The following NPL variants were observed in gnomAD, a reference collection of about 807,000 sequenced individuals.
The protein encoded by NPL is N-acetylneuraminate lyase.
In NPL, 32 loss-of-function variants were observed where a neutral mutation model predicts 41.1. The ratio of observed to expected loss-of-function variants is 0.78; its 90% confidence interval spans 0.59 to 1.05. The LOEUF is 1.05. Ranked by LOEUF, NPL falls within the 50% of genes least tolerant of loss-of-function variation. The probability of loss-of-function intolerance (pLI) is 0.00; values close to 1 mark genes in which losing one functional copy is unlikely to be tolerated. For missense variants in NPL, 321 were observed against 378.4 expected, an observed-to-expected ratio of 0.85 and a Z score of 1.26; for synonymous variants, 128 against 134.9, an observed-to-expected ratio of 0.95 and a Z score of 0.35.
Position 182,812,212 on chromosome 1 carries a change from T to A in NPL, c.287T>A (p.Leu96Gln). The change falls in exon 6 of 13, where the codon CTG becomes CAG. Residue 96 changes from leucine (L) to glutamine (Q), a missense_variant and splice_region_variant. Transcript: ENST00000367553. ...CTGAGCTTGAAGGAGTCACAGGAAC[T>A]GGTATGTATGCAGTTCCATCTGGGA... ...GALSLKESQE[L>Q]AQHAAEIGAD... 8 of 1,613,258 alleles carry A rather than the reference T, an allele frequency of 5.0e-6. 1 individual carries two copies. The highest frequency in any genetic ancestry group is 6.8e-6 in the Non-Finnish European group (8 of 1,179,194).
chr1:182,821,412 A>G (rs1280563548), intron 10 of NPL, among the ~76,000 whole-genome samples: 1 of 152,210 alleles, frequency 6.6e-6, no homozygotes, highest in African/African-American at 2.4e-5. Context: ...ATATTTTGTC[A>G]GATCAAATTC....
intron 4 of NPL, among the ~76,000 whole-genome samples, chr1:182,804,617 G>T (rs1287623203): frequency 1.3e-5 from 2 of 152,164 alleles, no homozygotes; most frequent in Non-Finnish European, 2.9e-5. Context: ...ATACTTACCT[G>T]CGATTGAGCT....
At chr1:182,806,360 T>G in intron 5 of NPL, 128 bp downstream of exon 5, 1 of 1,552,914 alleles carries the variant, frequency 6.4e-7, no homozygotes, top group Non-Finnish European at 8.7e-7. Flanking sequence ...GGTGGGAAGA[T>G]GAGCAGGGCC....
At chr1:182,806,525 C>G in intron 5 of NPL, 1 of 1,536,220 alleles carries the variant, frequency 6.5e-7, no homozygotes, top group Non-Finnish European at 8.7e-7. Context: ...CGTCTTTGGG[C>G]TGAAAGGTAA....
chr1:182,817,796 T>A (rs188797068), intron 8 of NPL, among the ~76,000 whole-genome samples: 3 of 152,248 alleles, frequency 2.0e-5, no homozygotes, highest in Non-Finnish European at 4.4e-5. Context: ...GTAAGATATG[T>A]GAGAAGGGGC....
chr1:182,809,644 G>C (rs1011365832), intron 5 of NPL, among the ~76,000 whole-genome samples: 1 of 151,972 alleles, frequency 6.6e-6, no homozygotes, highest in African/African-American at 2.4e-5. Context: ...GTGTGTGAAA[G>C]CTTCTTCATC....
At chr1:182,797,051 AGC>A (rs1666692842) in intron 3 of NPL, among the ~76,000 whole-genome samples, 1 of 149,876 alleles carries the variant, frequency 6.7e-6, no homozygotes, top group African/African-American at 2.5e-5. Context: ...AAAAAAAAAA[AGC>A]TCTTTCATAT....
In NPL at chr1:182,829,169, T is replaced by A; in HGVS notation, c.*261T>A. The A allele has an allele frequency of 7.5e-7, 1 of 1,326,904 alleles. No homozygotes were observed. Among genetic ancestry groups the A allele is most frequent in the East Asian group, 3.2e-5 (1 of 31,198 alleles). The allele number at this position is 1,326,904 out of a possible 1,614,324, so 82.2% of individuals were successfully genotyped here. A position where few individuals can be genotyped will look rare whatever the true frequency, so the allele number is the denominator to read the frequency against. ...TTCTGTTTATATGGATGAAATGGAATCAAGAGGAAAATTGTAATTGATTAA... is the reference window on the plus strand; with the variant it reads ...TTCTGTTTATATGGATGAAATGGAAACAAGAGGAAAATTGTAATTGATTAA... On this transcript the variant is annotated 3_prime_UTR_variant, in exon 13 of 13. Transcript: ENST00000367553.
intron 12 of NPL, 132 bp downstream of exon 12, chr1:182,825,952 A>G: frequency 1.2e-6 from 1 of 808,504 alleles, no homozygotes; most frequent in South Asian, 1.3e-5. Context: ...TGTTTCCCTT[A>G]TTAACCCTCG....
At chr1:182,811,062 A>C (rs1433793779) in intron 5 of NPL, among the ~76,000 whole-genome samples, 1 of 149,052 alleles carries the variant, frequency 6.7e-6, no homozygotes, top group Non-Finnish European at 1.5e-5. Flanking sequence ...TTTACATTTG[A>C]TCTAAGTCAA....
chr1:182,803,389 G>A (rs954416413), intron 3 of NPL, among the ~76,000 whole-genome samples: 6 of 152,154 alleles, frequency 3.9e-5, no homozygotes, highest in East Asian at 1.9e-4. Context: ...AAGAGAGAGC[G>A]TTGGGCAAAA....
Position 182,818,816 on chromosome 1 carries a change from C to T in NPL, c.610C>T (p.Leu204=), listed in dbSNP as rs10911142. ...AATATTTTTTGTTTCTGATTAGCAACTGTTGAGTGCTCTGGTGATGGGAGC... is the reference window on the plus strand; with the variant it reads ...AATATTTTTTGTTTCTGATTAGCAATTGTTGAGTGCTCTGGTGATGGGAGC... ...FAFLFGVDEQ[L]LSALVMGATG... is the part of the protein sequence containing the mutation. The change falls in exon 10 of 13, where the codon CTG becomes TTG. Residue 204 remains leucine, a synonymous_variant. Coordinates refer to ENST00000367553, the MANE Select transcript of NPL (RefSeq NM_030769.3). The T allele has an allele frequency of 0.024, 38,365 of 1,613,792 alleles. 2,782 individuals carry two copies. The African/African-American group carries it at 0.25, about 11-fold the overall frequency.
intron 3 of NPL, among the ~76,000 whole-genome samples, chr1:182,798,052 C>T (rs1235601379): frequency 6.6e-6 from 1 of 152,000 alleles, no homozygotes; most frequent in Non-Finnish European, 1.5e-5. Context: ...TTACATGTTC[C>T]CACTTAATCT....
chr1:182,827,478 T>G (rs1444273284), intron 12 of NPL, among the ~76,000 whole-genome samples: 1 of 152,234 alleles, frequency 6.6e-6, no homozygotes, highest in East Asian at 1.9e-4. Flanking sequence ...TTTTGGATTT[T>G]CTCAATCTGT....
chr1:182,814,010 C>G (rs1221162863), intron 6 of NPL, among the ~76,000 whole-genome samples: 1 of 152,218 alleles, frequency 6.6e-6, no homozygotes, highest in Non-Finnish European at 1.5e-5. Flanking sequence ...ATAGATATTA[C>G]AAGTCAAAGT....
chr1:182,811,669 A>G (rs978811298), intron 5 of NPL, among the ~76,000 whole-genome samples: 1 of 152,174 alleles, frequency 6.6e-6, no homozygotes, highest in Non-Finnish European at 1.5e-5. Flanking sequence ...CTCTGCCTCT[A>G]ACTTAATGAG....
In NPL at chr1:182,829,511, G is replaced by A; in HGVS notation, c.*603G>A. The A allele has an allele frequency of 6.7e-7, 1 of 1,503,198 alleles. No individual in the cohort carries two copies. The highest frequency in any genetic ancestry group is 8.9e-7 in the Non-Finnish European group (1 of 1,118,950). The allele number at this position is 1,503,198 out of a possible 1,614,324, so 93.1% of individuals were successfully genotyped here. A position where few individuals can be genotyped will look rare whatever the true frequency, so the allele number is the denominator to read the frequency against. ...CTGGGTCAGGTGAGGACTTGTTTCAGTTCCTATAACTAAGTAAAGGGCGGC... is the reference window on the plus strand; with the variant it reads ...CTGGGTCAGGTGAGGACTTGTTTCAATTCCTATAACTAAGTAAAGGGCGGC... On this transcript the variant is annotated 3_prime_UTR_variant, in exon 13 of 13. Coordinates refer to ENST00000367553, the MANE Select transcript of NPL (RefSeq NM_030769.3).
intron 3 of NPL, among the ~76,000 whole-genome samples, chr1:182,796,186 AGAAT>A (rs1666662030): frequency 6.7e-6 from 1 of 149,956 alleles, no homozygotes; most frequent in African/African-American, 2.5e-5. Context: ...AAAAAAAAAA[AGAAT>A]GCATTATGTG....
intron 5 of NPL, among the ~76,000 whole-genome samples, chr1:182,811,544 A>C (rs1459020980): frequency 6.6e-6 from 1 of 152,062 alleles, no homozygotes; most frequent in Non-Finnish European, 1.5e-5. Flanking sequence ...TTGATTTTTA[A>C]ATTTTGTGTG....
Sources: gnomAD v4.1 joint callset for allele counts (sites outside exome capture counted in the v4.1 genomes callset) on GRCh38, gnomAD v4.1.1 for gene constraint, MANE v1.5 for transcripts, NCBI Gene and HGNC (gene_info 2026-07-23, HGNC 2026-07-21) for gene names.